DOCK9: variants seen among roughly 807,000 people sequenced by gnomAD.
The protein encoded by DOCK9 is dedicator of cytokinesis 9, also known as dedicator of cytokinesis protein 9.
A neutral mutation model predicts 263.3 loss-of-function variants in DOCK9; 89 were observed. The observed-to-expected ratio is 0.34, with a 90% confidence interval of 0.28 to 0.40. DOCK9 has a LOEUF of 0.40. Among genes scored for constraint, DOCK9 ranks in the 10% least tolerant of loss-of-function variants. DOCK9 has a pLI of 1.00. For synonymous variants in DOCK9, 976 were observed against 973.1 expected (o/e 1.00, Z -0.06); for missense variants, 2,140 against 2,603.4 (o/e 0.82, Z 3.87).
intron 45 of DOCK9, among the ~76,000 whole-genome samples, chr13:98,821,614 A>C (rs1210620746): frequency 6.7e-6 from 1 of 149,294 alleles, no homozygotes; most frequent in East Asian, 2.0e-4. Flanking sequence ...CACCACAGGA[A>C]ACTCTGAATT....
chr13:98,848,699 TA>T (rs2093466123), intron 36 of DOCK9, 60 bp from the exon 37 acceptor site: 5 of 1,484,630 alleles, frequency 3.4e-6, no homozygotes, highest in Middle Eastern at 1.7e-4. Context: ...TTCGGGACGT[TA>T]TTTATCTGTT....
At chr13:98,956,131 A>G (rs2058034703) in intron 1 of DOCK9, among the ~76,000 whole-genome samples, 1 of 152,202 alleles carries the variant, frequency 6.6e-6, no homozygotes. Flanking sequence ...GGTCACAGCC[A>G]GGGGGGCAGG....
intron 1 of DOCK9, among the ~76,000 whole-genome samples, chr13:99,006,646 G>C (rs1883381521): frequency 6.6e-6 from 1 of 152,142 alleles, no homozygotes; most frequent in African/African-American, 2.4e-5. Flanking sequence ...AAAAATATCA[G>C]AAAACACATA....
intron 3 of DOCK9, among the ~76,000 whole-genome samples, 175 bp from the exon 4 acceptor site, chr13:98,926,094 T>A (rs891309918): frequency 6.6e-6 from 1 of 152,350 alleles, no homozygotes; most frequent in Non-Finnish European, 1.5e-5. Context: ...GCTTGAGACT[T>A]TGAACCACTG....
intron 15 of DOCK9, among the ~76,000 whole-genome samples, chr13:98,896,699 T>C (rs7988475): frequency 0.012 from 1,791 of 152,234 alleles, 43 homozygotes; most frequent in African/African-American, 0.041. Context: ...CAAAACAGCA[T>C]AGAGGTTAAG....
At chr13:98,889,857 G>A (rs1279145160) in intron 15 of DOCK9, among the ~76,000 whole-genome samples, 1 of 152,172 alleles carries the variant, frequency 6.6e-6, no homozygotes, top group Non-Finnish European at 1.5e-5. Flanking sequence ...ACAGCTGGGT[G>A]CACAGCCTCT....
At chr13:99,051,670 C>G (rs1365325166) in intron 1 of DOCK9, among the ~76,000 whole-genome samples, 1 of 152,006 alleles carries the variant, frequency 6.6e-6, no homozygotes, top group Non-Finnish European at 1.5e-5. Flanking sequence ...CGACTTGACT[C>G]AGCTGTAGAA....
intron 9 of DOCK9, among the ~76,000 whole-genome samples, chr13:98,913,178 A>G (rs1467524561): frequency 6.6e-6 from 1 of 152,188 alleles, no homozygotes; most frequent in Non-Finnish European, 1.5e-5. Flanking sequence ...AATAAAGGTC[A>G]ATGCTGAATG....
intron 1 of DOCK9, among the ~76,000 whole-genome samples, chr13:99,009,743 C>T (rs1285628180): frequency 1.3e-5 from 2 of 152,028 alleles, no homozygotes; most frequent in Non-Finnish European, 2.9e-5. Flanking sequence ...TCATCTTCAA[C>T]TCTGCTGTCT....
intron 39 of DOCK9, among the ~76,000 whole-genome samples, chr13:98,833,388 C>G (rs145265207): frequency 6.6e-6 from 1 of 152,276 alleles, no homozygotes; most frequent in East Asian, 1.9e-4. Flanking sequence ...TCTTAGCACT[C>G]TTTGCTGAGG....
chr13:99,056,532 G>A (rs1042438677), intron 1 of DOCK9, among the ~76,000 whole-genome samples: 5 of 152,130 alleles, frequency 3.3e-5, no homozygotes, highest in South Asian at 2.1e-4. Context: ...CCCAGACTTG[G>A]CTAAAAAACC....
At chr13:99,052,436 G>C (rs2040738639) in intron 1 of DOCK9, among the ~76,000 whole-genome samples, 1 of 152,194 alleles carries the variant, frequency 6.6e-6, no homozygotes, top group Non-Finnish European at 1.5e-5. Context: ...TCAAAGTACA[G>C]ACCACACTCC....
At chr13:98,897,422 CT>C in intron 15 of DOCK9, 65 bp downstream of exon 15, 1 of 1,589,354 alleles carries the variant, frequency 6.3e-7, no homozygotes, top group African/African-American at 1.3e-5. Context: ...GACTGCTCCC[CT>C]GTTCCTCCCT....
intron 1 of DOCK9, among the ~76,000 whole-genome samples, chr13:99,036,244 G>A (rs1461329651): frequency 6.6e-6 from 1 of 152,154 alleles, no homozygotes; most frequent in African/African-American, 2.4e-5. Flanking sequence ...AAATTCTTAT[G>A]TTGAAACCCT....
In DOCK9 at chr13:98,936,715, T is replaced by C. The variant is rs7332347; in HGVS notation, c.244-6458A>G. 9.0e-3 allele frequency among the ~76,000 whole-genome samples: 1,370 copies of C among 152,128 alleles called. 24 individuals carry two copies. Among genetic ancestry groups the C allele is most frequent in the African/African-American group, 0.031 (1,297 of 41,520 alleles). On this transcript the variant is annotated intron_variant, in intron 2 of 52. Coordinates refer to ENST00000682017, the MANE Select transcript of DOCK9 (RefSeq NM_001366683.2). ...TACCAATAACCATCCATTACTTGCA[T>C]ATAAGTTTTTTCTCCCTATTATTAC...
At chr13:98,965,098 C>T (rs1322398684) in intron 1 of DOCK9, among the ~76,000 whole-genome samples, 1 of 152,160 alleles carries the variant, frequency 6.6e-6, no homozygotes, top group African/African-American at 2.4e-5. Context: ...TGGACTATAG[C>T]CTGCAGGGAG....
intron 33 of DOCK9, chr13:98,858,121 T>G (rs569215942): frequency 6.6e-6 from 1 of 152,280 alleles, no homozygotes; most frequent in South Asian, 2.1e-4. Flanking sequence ...TATATCAAAA[T>G]CAATATGCTT....
At chr13:98,826,708 G>A (rs373958157) in intron 44 of DOCK9, 122 bp downstream of exon 44, 16 of 761,364 alleles carry the variant, frequency 2.1e-5, no homozygotes, top group Non-Finnish European at 3.0e-5. Flanking sequence ...ATAAAACAAC[G>A]AATACACTTC....
chr13:98,816,425 C>T (rs191836254), intron 45 of DOCK9, among the ~76,000 whole-genome samples: 8 of 152,150 alleles, frequency 5.3e-5, no homozygotes, highest in South Asian at 2.1e-4. Flanking sequence ...CTCTGACTTG[C>T]GAGCAACGGG....
Sources: gnomAD v4.1 joint callset for allele counts (sites outside exome capture counted in the v4.1 genomes callset) on GRCh38, gnomAD v4.1.1 for gene constraint, MANE v1.5 for transcripts, NCBI Gene and HGNC (gene_info 2026-07-23, HGNC 2026-07-21) for gene names.